ZNF462: variants seen among roughly 807,000 people sequenced by gnomAD.
The protein encoded by ZNF462 is zinc finger protein 462.
Under a neutral mutation model 201.9 loss-of-function variants are expected in ZNF462, and 10 were observed. The ratio of observed to expected loss-of-function variants is 0.05; its 90% CI spans 0.03 to 0.08. The LOEUF is 0.08. ZNF462 is among the 10% of genes least tolerant of loss of function. The pLI is 1.00. For missense variants in ZNF462, 2,523 were observed against 3,168.3 expected (o/e 0.80, Z 4.89); for synonymous variants, 1,227 against 1,193.3 (o/e 1.03, Z -0.58).
In ZNF462 at chr9:106,926,889, C is replaced by G. The variant is rs1377470868; in HGVS notation, c.2977C>G (p.Pro993Ala). Residue 993 changes from proline to alanine, a missense_variant, in exon 3 of 13, where the codon CCT becomes GCT. Coordinates refer to ENST00000277225, the MANE Select transcript of ZNF462 (RefSeq NM_021224.6). This position sits in a 1 kb window ranked among gnomAD's most constrained non-coding sequence, Gnocchi z 7.9. The part of the protein sequence containing the change: ...SAPKNMATST[P>A]VARGGGLPAT... Reference sequence around the variant, plus strand: ...TCCCAAGAACATGGCGACTTCCACACCTGTGGCTCGTGGTGGTGGTTTGCC... The same window carrying G: ...TCCCAAGAACATGGCGACTTCCACAGCTGTGGCTCGTGGTGGTGGTTTGCC... The G allele has an allele frequency of 6.2e-7, 1 of 1,614,024 alleles. No homozygotes were observed. The highest frequency in any genetic ancestry group is 8.5e-7 in the Non-Finnish European group (1 of 1,180,036).
Position 106,924,419 on chromosome 9 carries a change from C to T in ZNF462, c.507C>T (p.Tyr169=), listed in dbSNP as rs1418374583. The T allele has an allele frequency of 3.7e-6, 6 of 1,614,156 alleles. No homozygotes were observed. The highest frequency in any genetic ancestry group is 5.1e-6 in the Non-Finnish European group (6 of 1,180,030). Residue 169 remains tyrosine (Y), a synonymous_variant, in exon 3 of 13, where the codon TAC becomes TAT. Coordinates refer to ENST00000277225, the MANE Select transcript of ZNF462 (RefSeq NM_021224.6). This position sits in a 1 kb window ranked among gnomAD's most constrained non-coding sequence, Gnocchi z 6.2. The stretch of plus-strand genomic sequence containing the variant: ...TCTTCTCTTGCCAGTTTTGCACATA[C>T]AAGTCACCAAGAAGGGCAAGAATAA... ...GKVFSCQFCT[Y]KSPRRARIIK...
In ZNF462 at chr9:107,010,955, G is replaced by T. The variant is rs766188180; in HGVS notation, c.7446G>T (p.Lys2482Asn). 3.1e-6 allele frequency: 5 copies of T among 1,613,654 alleles called. No individual in the cohort carries two copies. The African/African-American group carries it at 6.7e-5, about 22-fold the overall frequency. ...CCATTGGGATAGACTTTTCCCTAAA[G>T]AATGAAACAGTAGCCATCTGTGTAG... is the stretch of plus-strand genomic sequence containing the variant. ...DEAIGIDFSL[K>N]NETVAICVVT... The change falls in exon 13 of 13, where the codon AAG (lysine) becomes AAT (asparagine). Residue 2482 changes from lysine to asparagine, a missense_variant. Around this residue, in one of 15 missense-constraint regions of ZNF462, gnomAD observed 67 missense variants for 63.2 expected, o/e 1.06. Coordinates refer to ENST00000277225, the MANE Select transcript of ZNF462 (RefSeq NM_021224.6). The surrounding 1 kb of genome is among the most constrained non-coding windows in gnomAD (Gnocchi z 4.6).
At position 106,872,039 on chromosome 9, in the gene ZNF462, A is replaced by G. The variant is rs906208109; in HGVS notation, c.-31+8684A>G. ...TTCCAGTCCCAGCATTTTAAAATCCAAAATAAGGCCACTGTGGTCCAGAAT... is the reference window on the plus strand; with the variant it reads ...TTCCAGTCCCAGCATTTTAAAATCCGAAATAAGGCCACTGTGGTCCAGAAT... On this transcript the variant is annotated intron_variant, in intron 1 of 12. Coordinates refer to ENST00000277225, the MANE Select transcript of ZNF462 (RefSeq NM_021224.6). This position sits in a 1 kb window ranked among gnomAD's most constrained non-coding sequence, Gnocchi z 4.5. 6.6e-6 allele frequency among the ~76,000 whole-genome samples: 1 copy of G among 152,210 alleles called. No homozygotes were observed. The highest frequency in any genetic ancestry group is 1.5e-5 in the Non-Finnish European group (1 of 68,034).
At chr9:106,882,171 C>T (rs918615585) in intron 1 of ZNF462, among the ~76,000 whole-genome samples, 3 of 152,120 alleles carry the variant, frequency 2.0e-5, no homozygotes, top group Non-Finnish European at 4.4e-5. Context: ...AGGCCAACCA[C>T]TGATTTGTTT....
At chr9:106,931,329 C>T (rs983668683) in intron 4 of ZNF462, among the ~76,000 whole-genome samples, 9 of 152,158 alleles carry the variant, frequency 5.9e-5, no homozygotes, top group African/African-American at 2.2e-4. Context: ...ATAGCAGCCA[C>T]CATGTCAGTA....
intron 1 of ZNF462, among the ~76,000 whole-genome samples, chr9:106,878,317 A>G (rs1587986284): frequency 6.6e-6 from 1 of 152,186 alleles, no homozygotes; most frequent in South Asian, 2.1e-4. Context: ...GTTCATTTGC[A>G]ATGATCAATT....
intron 7 of ZNF462, among the ~76,000 whole-genome samples, chr9:106,951,103 T>A (rs527602047): frequency 1.4e-4 from 21 of 150,304 alleles, no homozygotes; most frequent in African/African-American, 5.0e-4. Context: ...AAAAAAAAAA[T>A]TTAAGTTCAA....
At chr9:106,881,717 C>T (rs748598213) in intron 1 of ZNF462, among the ~76,000 whole-genome samples, 1 of 152,102 alleles carries the variant, frequency 6.6e-6, no homozygotes, top group Non-Finnish European at 1.5e-5. Context: ...AATTGACAAA[C>T]ATATACCTTC....
chr9:106,906,845 T>C (rs1311226932), intron 1 of ZNF462, among the ~76,000 whole-genome samples: 1 of 152,250 alleles, frequency 6.6e-6, no homozygotes, highest in Non-Finnish European at 1.5e-5. Context: ...TTGTAAATTT[T>C]GAAAACTTTA....
In ZNF462 at chr9:106,865,841, C is replaced by A. The variant is rs1374308264; in HGVS notation, c.-31+2486C>A. ...AATTTGAAAAAAGGACCCAGTGCTA[C>A]CCTAGTCCACACACATTGATGGGAG... On this transcript the variant is annotated intron_variant, in intron 1 of 12. Coordinates refer to ENST00000277225, the MANE Select transcript of ZNF462 (RefSeq NM_021224.6). The surrounding 1 kb of genome is among the most constrained non-coding windows in gnomAD (Gnocchi z 4.1). 6.6e-6 allele frequency among the ~76,000 whole-genome samples: 1 copy of A among 152,146 alleles called. No homozygotes were observed. Among genetic ancestry groups the A allele is most frequent in the African/African-American group, 2.4e-5 (1 of 41,434 alleles).
chr9:107,011,289 G>A lies in ZNF462; in HGVS notation c.*259G>A, dbSNP rs1264489388. The A allele has an allele frequency of 6.9e-6, 3 of 433,774 alleles. No homozygotes were observed. The highest frequency in any genetic ancestry group is 6.7e-4 in the Middle Eastern group (1 of 1,492). 26.9% of individuals were successfully genotyped at this position (433,774 alleles called of 1,614,324 possible). Reference sequence around the variant, plus strand: ...GATCTTCATCATGGAAGTTTCATTTGTTGCGGAATATGGAAGCACCTCCCA... The same window carrying A: ...GATCTTCATCATGGAAGTTTCATTTATTGCGGAATATGGAAGCACCTCCCA... On this transcript the variant is annotated 3_prime_UTR_variant, in exon 13 of 13. Transcript: ENST00000277225. This position sits in a 1 kb window ranked among gnomAD's most constrained non-coding sequence, Gnocchi z 5.6.
chr9:106,925,801 C>G lies in ZNF462; in HGVS notation c.1889C>G (p.Pro630Arg). 1 of 1,614,196 alleles carries G rather than the reference C, an allele frequency of 6.2e-7. No homozygotes were observed. Among genetic ancestry groups the G allele is most frequent in the Non-Finnish European group, 8.5e-7 (1 of 1,180,046 alleles). ...QHKHSFCDNL[P>R]KFEGQPSSLP... Reference sequence around the variant, plus strand: ...AAACATTCATTCTGTGACAACTTGCCAAAATTCGAGGGGCAGCCCTCAAGC... The same window carrying G: ...AAACATTCATTCTGTGACAACTTGCGAAAATTCGAGGGGCAGCCCTCAAGC... The change falls in exon 3 of 13, where the codon CCA (proline) becomes CGA (arginine). Residue 630 changes from proline to arginine, a missense_variant. Physicochemically the swap from Pro to Arg is moderately radical, Grantham distance 103 (BLOSUM62 -2). Coordinates refer to ENST00000277225, the MANE Select transcript of ZNF462 (RefSeq NM_021224.6). This position sits in a 1 kb window ranked among gnomAD's most constrained non-coding sequence, Gnocchi z 7.9.
At chr9:106,986,132 C>A (rs1407094578) in intron 10 of ZNF462, among the ~76,000 whole-genome samples, 2 of 152,282 alleles carry the variant, frequency 1.3e-5, no homozygotes, top group South Asian at 2.1e-4. Context: ...AAAGAAGATT[C>A]TTCTCTAGTT....
At position 106,950,501 on chromosome 9, in the gene ZNF462, A is replaced by G. The variant is rs564092483; in HGVS notation, c.6427+11394A>G. Among the ~76,000 whole-genome samples, 171 of 152,324 alleles carry G rather than the reference A, an allele frequency of 1.1e-3. No homozygotes were observed. Among genetic ancestry groups the G allele is most frequent in the African/African-American group, 4.0e-3 (168 of 41,576 alleles). On this transcript the variant is annotated intron_variant, in intron 7 of 12. Transcript: ENST00000277225. The surrounding 1 kb of genome is among the most constrained non-coding windows in gnomAD (Gnocchi z 4.1). ...AATTTTGCCCATGGGTAAGTTTTTA[A>G]TTAGGGATACAGAGAAGGAAAGATG...
rs1827140279 is a variant in ZNF462 at position 106,863,355 on chromosome 9, T to C, written c.-31T>C. ...CCTCCCGGCGCCGGGACGCTTCTTC[T>C]GTAAGTTACTGCAATTAACAACCAC... On this transcript the variant is annotated splice_region_variant and 5_prime_UTR_variant, in exon 1 of 13. Coordinates refer to ENST00000277225, the MANE Select transcript of ZNF462 (RefSeq NM_021224.6). 5.1e-6 allele frequency: 2 copies of C among 395,278 alleles called. No individual in the cohort carries two copies. The highest frequency in any genetic ancestry group is 4.5e-6 in the Non-Finnish European group (1 of 224,154). 24.5% of individuals were successfully genotyped at this position (395,278 alleles called of 1,614,324 possible). A position where few individuals can be genotyped will look rare whatever the true frequency, so the allele number is the denominator to read the frequency against.
chr9:106,973,698 T>C (rs978821311), intron 8 of ZNF462, among the ~76,000 whole-genome samples: 1 of 150,618 alleles, frequency 6.6e-6, no homozygotes, highest in African/African-American at 2.5e-5. Context: ...GATGATTGAC[T>C]TCCTGGACAA....
At chr9:106,887,981 C>A (rs1244472032) in intron 1 of ZNF462, among the ~76,000 whole-genome samples, 1 of 151,724 alleles carries the variant, frequency 6.6e-6, no homozygotes, top group Non-Finnish European at 1.5e-5. Context: ...TAAAGCATGC[C>A]ATGAATTCGT....
rs1453143562 is a variant in ZNF462 at position 106,872,333 on chromosome 9, G to C, written c.-31+8978G>C. Among the ~76,000 whole-genome samples the C allele has an allele frequency of 6.6e-6, 1 of 152,154 alleles. No individual in the cohort carries two copies. The highest frequency in any genetic ancestry group is 1.5e-5 in the Non-Finnish European group (1 of 68,026). On this transcript the variant is annotated intron_variant, in intron 1 of 12. Transcript: ENST00000277225. The surrounding 1 kb of genome is among the most constrained non-coding windows in gnomAD (Gnocchi z 4.5). Reference sequence around the variant, plus strand: ...TAATTAGTATTTGATAACAATAAGTGAGAAGGGAGTCTTTGTAGAAGAGAC... The same window carrying C: ...TAATTAGTATTTGATAACAATAAGTCAGAAGGGAGTCTTTGTAGAAGAGAC...
At chr9:106,943,057 CGCGT>C (rs956437989) in intron 7 of ZNF462, among the ~76,000 whole-genome samples, 38 of 136,816 alleles carry the variant, frequency 2.8e-4, no homozygotes, top group Non-Finnish European at 5.0e-4. Flanking sequence ...GTTTTGCGCG[CGCGT>C]GTGTGTGTGT....
Sources: allele counts gnomAD v4.1 joint callset (sites outside exome capture counted in the v4.1 genomes callset), GRCh38; gene constraint gnomAD v4.1.1; regional missense constraint gnomAD v4.1.1; non-coding constraint Gnocchi (gnomAD v3.1); transcripts MANE v1.5; gene names NCBI Gene and HGNC (gene_info 2026-07-23, HGNC 2026-07-21).